The following NOL4L variants were observed in gnomAD, a reference collection of about 807,000 sequenced individuals.
The protein encoded by NOL4L is nucleolar protein 4-like.
In NOL4L, 7 loss-of-function variants were observed where a neutral mutation model predicts 64.5. That is an observed-to-expected ratio of 0.11 (90% CI 0.06 to 0.20). The LOEUF (loss-of-function observed/expected upper bound fraction) is 0.20. NOL4L is among the 10% of genes least tolerant of loss of function. NOL4L has a pLI of 1.00. For missense variants in NOL4L, 680 were observed against 967.1 expected, an observed-to-expected ratio of 0.70 and a Z score of 3.94; for synonymous variants, 413 against 401.0, an observed-to-expected ratio of 1.03 and a Z score of -0.36.
chr20:32,497,532 C>T (rs2016742426), intron 4 of NOL4L, among the ~76,000 whole-genome samples: 1 of 152,194 alleles, frequency 6.6e-6, no homozygotes. Context: ...AAATATCCCA[C>T]TAGTTCTGGG....
At chr20:32,571,990 A>C (rs1291181019) in intron 1 of NOL4L, among the ~76,000 whole-genome samples, 1 of 152,136 alleles carries the variant, frequency 6.6e-6, no homozygotes, top group African/African-American at 2.4e-5. Flanking sequence ...GCTTGTGCCT[A>C]ATATCCCAAG....
At chr20:32,506,192 G>A (rs2017134172) in intron 4 of NOL4L, among the ~76,000 whole-genome samples, 1 of 152,062 alleles carries the variant, frequency 6.6e-6, no homozygotes, top group Non-Finnish European at 1.5e-5. Flanking sequence ...GCTGACTGAG[G>A]AAGCGCTCTC....
In NOL4L at chr20:32,489,671, G is replaced by A. The variant is rs368299614; in HGVS notation, c.700-14929C>T. ...TTAAAATATGTTTTCTGGGCCGGGC[G>A]CAGTGGCTCACGCCTGTAATCCCAG... On this transcript the variant is annotated intron_variant, in intron 4 of 10. Coordinates refer to ENST00000621426, the MANE Select transcript of NOL4L (RefSeq NM_001256798.2). Among the ~76,000 whole-genome samples the A allele has an allele frequency of 1.1e-3, 168 of 151,968 alleles. 3 individuals carry two copies. The South Asian group carries it at 0.032, about 29-fold the overall frequency.
At chr20:32,488,888 T>G (rs916036921) in intron 4 of NOL4L, among the ~76,000 whole-genome samples, 1 of 136,420 alleles carries the variant, frequency 7.3e-6, no homozygotes, top group African/African-American at 2.7e-5. Flanking sequence ...TCTTTCTTTC[T>G]TTCTTTCCTC....
chr20:32,486,517 C>T (rs2016092540), intron 4 of NOL4L, among the ~76,000 whole-genome samples: 1 of 152,168 alleles, frequency 6.6e-6, no homozygotes, highest in Non-Finnish European at 1.5e-5. Flanking sequence ...CATGCAGCTT[C>T]CCATATGAAG....
chr20:32,481,681 C>G (rs2145495181), intron 4 of NOL4L, among the ~76,000 whole-genome samples: 1 of 152,324 alleles, frequency 6.6e-6, no homozygotes, highest in Non-Finnish European at 1.5e-5. Context: ...CCAGCCTGAG[C>G]CTGGATTAGA....
intron 1 of NOL4L, chr20:32,573,543 C>G (rs1979898865): frequency 6.5e-6 from 1 of 153,580 alleles, no homozygotes; most frequent in Admixed American, 6.5e-5. Context: ...GAGGGCTTGA[C>G]TGTCCACACC....
chr20:32,455,003 A>G (rs2013340870), intron 6 of NOL4L, among the ~76,000 whole-genome samples: 2 of 152,188 alleles, frequency 1.3e-5, no homozygotes, highest in South Asian at 4.1e-4. Flanking sequence ...GTCCACATAC[A>G]GACTTGGATA....
At position 32,462,903 on chromosome 20, in the gene NOL4L, T is replaced by TAAAAAA. The variant is rs564168973; in HGVS notation, c.842-6514_842-6509dup. The stretch of plus-strand genomic sequence containing the variant: ...CTGGCGACAAAGCGAGACTCTGTCT[T>TAAAAAA]AAAAAAAAAAAAAAAAAAAACTGAT... On this transcript the variant is annotated intron_variant, in intron 5 of 10. Transcript: ENST00000621426. 3.0e-3 allele frequency among the ~76,000 whole-genome samples: 233 copies of TAAAAAA among 76,618 alleles called. 2 individuals carry two copies. Among genetic ancestry groups the TAAAAAA allele is most frequent in the African/African-American group, 9.0e-3 (187 of 20,856 alleles). 50.3% of individuals were successfully genotyped at this position (76,618 alleles called of 152,430 possible). A position where few individuals can be genotyped will look rare whatever the true frequency, so the allele number is the denominator to read the frequency against.
At chr20:32,563,906 C>T (rs1028254328) in intron 1 of NOL4L, among the ~76,000 whole-genome samples, 3 of 152,226 alleles carry the variant, frequency 2.0e-5, no homozygotes, top group Non-Finnish European at 2.9e-5. Context: ...AGCGTATCCT[C>T]GGCAGCCACC....
intron 4 of NOL4L, among the ~76,000 whole-genome samples, chr20:32,478,904 T>C (rs1384428496): frequency 6.6e-6 from 1 of 152,160 alleles, no homozygotes; most frequent in Non-Finnish European, 1.5e-5. Flanking sequence ...TTTTTTTAAG[T>C]GAGAAATCAA....
At chr20:32,497,779 C>T (rs2016755152) in intron 4 of NOL4L, among the ~76,000 whole-genome samples, 1 of 152,164 alleles carries the variant, frequency 6.6e-6, no homozygotes, top group Non-Finnish European at 1.5e-5. Context: ...GAGTCAGCTC[C>T]CTGGGCTGCC....
chr20:32,508,523 T>C (rs1417611892), intron 4 of NOL4L, among the ~76,000 whole-genome samples: 1 of 152,194 alleles, frequency 6.6e-6, no homozygotes, highest in Non-Finnish European at 1.5e-5. Flanking sequence ...TGAAGGGCTC[T>C]AGGCATGAGG....
At position 32,456,121 on chromosome 20, in the gene NOL4L, G is replaced by A. The variant is rs1167284902; in HGVS notation, c.1116C>T (p.Pro372=). The A allele has an allele frequency of 1.2e-5, 18 of 1,525,874 alleles. No homozygotes were observed. Among genetic ancestry groups the A allele is most frequent in the Admixed American group, 8.2e-5 (4 of 49,060 alleles). The allele number at this position is 1,525,874 out of a possible 1,614,324, so 94.5% of individuals were successfully genotyped here. ...SRVKYGVKTT[P]ESPPYSSGSY... is the part of the protein sequence containing the mutation. The stretch of plus-strand genomic sequence containing the variant: ...CTCAGCCCCCAGCCCCACACACCTC[G>A]GGGGTGGTCTTCACCCCGTATTTGA... Residue 372 remains proline (P), a synonymous_variant, in exon 6 of 11, where the codon CCC becomes CCT. Coordinates refer to ENST00000621426, the MANE Select transcript of NOL4L (RefSeq NM_001256798.2).
At chr20:32,576,962 G>C (rs1463469447) in intron 1 of NOL4L, among the ~76,000 whole-genome samples, 1 of 152,184 alleles carries the variant, frequency 6.6e-6, no homozygotes, top group Non-Finnish European at 1.5e-5. Flanking sequence ...ACTCCCGGGG[G>C]TCCTCCCGTG....
At chr20:32,471,850 C>A (rs1038974777) in intron 5 of NOL4L, among the ~76,000 whole-genome samples, 5 of 152,170 alleles carry the variant, frequency 3.3e-5, no homozygotes, top group African/African-American at 1.2e-4. Flanking sequence ...ATGAGACATG[C>A]CTGCTCCCCC....
In NOL4L at chr20:32,462,903, TAAA is replaced by T. The variant is rs564168973; in HGVS notation, c.842-6511_842-6509del. Among the ~76,000 whole-genome samples the T allele has an allele frequency of 1.8e-3, 137 of 76,650 alleles. 6 individuals carry two copies. Among genetic ancestry groups the T allele is most frequent in the Admixed American group, 5.5e-3 (32 of 5,782 alleles). 50.3% of individuals were successfully genotyped at this position (76,650 alleles called of 152,430 possible). ...CTGGCGACAAAGCGAGACTCTGTCTTAAAAAAAAAAAAAAAAAAAACTGATTTA... is the reference window on the plus strand; with the variant it reads ...CTGGCGACAAAGCGAGACTCTGTCTTAAAAAAAAAAAAAAAAACTGATTTA... On this transcript the variant is annotated intron_variant, in intron 5 of 10. Coordinates refer to ENST00000621426, the MANE Select transcript of NOL4L (RefSeq NM_001256798.2).
At chr20:32,511,290 C>G in intron 4 of NOL4L, 57 bp downstream of exon 4, 1 of 1,117,290 alleles carries the variant, frequency 9.0e-7, no homozygotes. Flanking sequence ...AAGAATCAAC[C>G]ACCGCCAGGC....
intron 2 of NOL4L, among the ~76,000 whole-genome samples, chr20:32,521,756 C>CT (rs1161697836): frequency 6.6e-6 from 1 of 152,184 alleles, no homozygotes; most frequent in Non-Finnish European, 1.5e-5. Context: ...TTGGAAAAGC[C>CT]ACTGACCCTG....
Sources: allele counts gnomAD v4.1 joint callset (sites outside exome capture counted in the v4.1 genomes callset), GRCh38; gene constraint gnomAD v4.1.1; transcripts MANE v1.5; gene names NCBI Gene and HGNC (gene_info 2026-07-23, HGNC 2026-07-21).